The following LRRTM4 variants were observed in gnomAD, a reference collection of about 807,000 sequenced individuals.
LRRTM4 encodes the protein leucine-rich repeat transmembrane neuronal protein 4.
In LRRTM4, 25 loss-of-function variants were observed where a neutral mutation model predicts 47.6. The ratio of observed to expected loss-of-function variants is 0.53; its 90% CI spans 0.38 to 0.73. The LOEUF is 0.73. LRRTM4 is among the 30% of genes least tolerant of loss of function. The pLI, the probability that LRRTM4 is intolerant of heterozygous loss-of-function variation, is 0.00. For missense variants in LRRTM4, 638 were observed against 713.4 expected, an observed-to-expected ratio of 0.89 and a Z score of 1.20; for synonymous variants, 311 against 269.5, an observed-to-expected ratio of 1.15 and a Z score of -1.51.
chr2:77,167,220 A>G (rs1301394474), intron 3 of LRRTM4, among the ~76,000 whole-genome samples: 1 of 152,242 alleles, frequency 6.6e-6, no homozygotes, highest in African/African-American at 2.4e-5. Context: ...ATCACCGGCC[A>G]TCAGACAAAT....
chr2:77,046,754 G>T (rs959285263), intron 3 of LRRTM4, among the ~76,000 whole-genome samples: 1 of 151,966 alleles, frequency 6.6e-6, no homozygotes, highest in South Asian at 2.1e-4. Flanking sequence ...AGTCACACAT[G>T]CATGTATATC....
At chr2:76,927,426 T>C (rs1674622621) in intron 3 of LRRTM4, among the ~76,000 whole-genome samples, 2 of 152,136 alleles carry the variant, frequency 1.3e-5, no homozygotes, top group African/African-American at 2.4e-5. Context: ...CCATGATTCT[T>C]ACAGGTCAAG....
At chr2:77,129,310 T>G (rs922382814) in intron 3 of LRRTM4, among the ~76,000 whole-genome samples, 26 of 152,226 alleles carry the variant, frequency 1.7e-4, no homozygotes, top group African/African-American at 6.0e-4. Flanking sequence ...CTTTTTGAAA[T>G]GTTAAATATT....
At chr2:77,388,276 C>G (rs1034098007) in intron 3 of LRRTM4, among the ~76,000 whole-genome samples, 29 of 152,124 alleles carry the variant, frequency 1.9e-4, no homozygotes, top group African/African-American at 6.7e-4. Context: ...TAAATATCAT[C>G]TAGTCCAAAT....
At chr2:77,107,421 A>G (rs1447245249) in intron 3 of LRRTM4, among the ~76,000 whole-genome samples, 2 of 152,198 alleles carry the variant, frequency 1.3e-5, no homozygotes, top group Non-Finnish European at 2.9e-5. Flanking sequence ...ATATATACAC[A>G]TATATACTTT....
intron 3 of LRRTM4, among the ~76,000 whole-genome samples, chr2:77,344,838 C>T (rs962604687): frequency 5.3e-4 from 81 of 151,654 alleles, no homozygotes; most frequent in Middle Eastern, 3.2e-3. Flanking sequence ...CAGAGACAGA[C>T]ATGAAGACTA....
At chr2:76,976,690 G>A (rs1676428270) in intron 3 of LRRTM4, among the ~76,000 whole-genome samples, 3 of 151,752 alleles carry the variant, frequency 2.0e-5, no homozygotes, top group Admixed American at 2.0e-4. Context: ...GGGTATTAGG[G>A]GCTGGGATAT....
intron 3 of LRRTM4, among the ~76,000 whole-genome samples, chr2:76,891,620 G>A (rs1246446787): frequency 6.6e-6 from 1 of 151,502 alleles, no homozygotes; most frequent in African/African-American, 2.4e-5. Flanking sequence ...AATCACTGGG[G>A]AAAATACAGA....
intron 3 of LRRTM4, among the ~76,000 whole-genome samples, chr2:77,166,409 C>G (rs1174034759): frequency 2.6e-5 from 4 of 152,070 alleles, no homozygotes; most frequent in Non-Finnish European, 4.4e-5. Flanking sequence ...CAATGTCATC[C>G]CCATCAAGCT....
intron 3 of LRRTM4, among the ~76,000 whole-genome samples, chr2:76,887,203 T>C (rs1428358017): frequency 1.3e-5 from 2 of 151,826 alleles, no homozygotes; most frequent in Non-Finnish European, 3.0e-5. Flanking sequence ...TTGAATGACC[T>C]GTTTAACTCA....
intron 3 of LRRTM4, among the ~76,000 whole-genome samples, chr2:76,894,813 T>A (rs1485914837): frequency 6.6e-6 from 1 of 151,870 alleles, no homozygotes; most frequent in Admixed American, 6.6e-5. Context: ...ACAATTTCAA[T>A]AATTACAGCA....
At chr2:76,787,536 G>A (rs1242471401) in intron 3 of LRRTM4, among the ~76,000 whole-genome samples, 11 of 151,362 alleles carry the variant, frequency 7.3e-5, no homozygotes, top group African/African-American at 2.2e-4. Context: ...TAAAAACAGG[G>A]AAAGGAAAAA....
intron 3 of LRRTM4, among the ~76,000 whole-genome samples, chr2:77,398,688 AG>A (rs1673803894): frequency 6.6e-6 from 1 of 151,894 alleles, no homozygotes; most frequent in South Asian, 2.1e-4. Context: ...TCCACCTTAC[AG>A]CAGTAACTTA....
At chr2:77,432,108 A>G (rs565645665) in intron 3 of LRRTM4, among the ~76,000 whole-genome samples, 44 of 152,274 alleles carry the variant, frequency 2.9e-4, no homozygotes, top group African/African-American at 1.0e-3. Flanking sequence ...GGTAATTTGT[A>G]TCAAGTAAGT....
intron 3 of LRRTM4, among the ~76,000 whole-genome samples, chr2:77,302,392 A>G (rs1345715059): frequency 6.6e-6 from 1 of 152,184 alleles, no homozygotes; most frequent in Non-Finnish European, 1.5e-5. Context: ...ATTTTTAATC[A>G]CTGAACATGA....
At chr2:76,894,891 A>C (rs1334343411) in intron 3 of LRRTM4, among the ~76,000 whole-genome samples, 1 of 151,582 alleles carries the variant, frequency 6.6e-6, no homozygotes, top group Non-Finnish European at 1.5e-5. Flanking sequence ...ATAGTCTCAT[A>C]TCTGCACATA....
chr2:77,094,396 T>A (rs1464493087), intron 3 of LRRTM4, among the ~76,000 whole-genome samples: 1 of 152,052 alleles, frequency 6.6e-6, no homozygotes, highest in East Asian at 1.9e-4. Flanking sequence ...CTATCAAAAT[T>A]CTAGTATTTT....
intron 3 of LRRTM4, among the ~76,000 whole-genome samples, chr2:77,016,157 G>T (rs1446703382): frequency 6.6e-6 from 1 of 152,090 alleles, no homozygotes; most frequent in Non-Finnish European, 1.5e-5. Flanking sequence ...GGAGGCCAAG[G>T]AGGGCAGATC....
At chr2:77,021,532 A>T (rs867950663) in intron 3 of LRRTM4, among the ~76,000 whole-genome samples, 1 of 152,186 alleles carries the variant, frequency 6.6e-6, no homozygotes, top group African/African-American at 2.4e-5. Flanking sequence ...GTGATTATAC[A>T]TCTAGGCTTG....
Sources: allele counts gnomAD v4.1 joint callset (sites outside exome capture counted in the v4.1 genomes callset), GRCh38; gene constraint gnomAD v4.1.1; transcripts MANE v1.5; gene names NCBI Gene and HGNC (gene_info 2026-07-23, HGNC 2026-07-21).